Variants in DNAAF10 observed in about 807,000 individuals in gnomAD.
DNAAF10 encodes WD repeat domain 92.
A neutral mutation model predicts 43.7 loss-of-function variants in DNAAF10; 28 were observed. That is an observed-to-expected ratio of 0.64 (90% CI 0.48 to 0.88). The LOEUF is 0.88. Among genes scored for constraint, DNAAF10 ranks in the 40% least tolerant of loss-of-function variants. The pLI is 0.00. For synonymous variants in DNAAF10, 156 were observed against 157.3 expected (o/e 0.99, Z 0.06); for missense variants, 403 against 439.1 (o/e 0.92, Z 0.73).
intron 1 of DNAAF10, among the ~76,000 whole-genome samples, chr2:68,150,241 C>T (rs1215373567): frequency 6.6e-6 from 1 of 152,190 alleles, no homozygotes; most frequent in Non-Finnish European, 1.5e-5. Context: ...CCAACTTTCA[C>T]TTTTAGACCC....
intron 1 of DNAAF10, among the ~76,000 whole-genome samples, chr2:68,151,061 T>C (rs187556447): frequency 7.2e-4 from 109 of 152,340 alleles, no homozygotes; most frequent in African/African-American, 2.2e-3. Context: ...ACAGTTGTCA[T>C]TGCATCCCTT....
At chr2:68,156,038 G>A (rs1673595204) in intron 1 of DNAAF10, among the ~76,000 whole-genome samples, 1 of 147,860 alleles carries the variant, frequency 6.8e-6, no homozygotes, top group Non-Finnish European at 1.5e-5. Context: ...GGAGGCGGAG[G>A]TTGCAGTGAG....
At chr2:68,138,651 T>G in intron 5 of DNAAF10, 91 bp downstream of exon 5, 96 of 901,260 alleles carry the variant, frequency 1.1e-4, no homozygotes, top group Non-Finnish European at 1.6e-4. Flanking sequence ...TTGACTCAGA[T>G]GAGTTACTAG....
intron 3 of DNAAF10, among the ~76,000 whole-genome samples, chr2:68,142,901 T>C (rs948635332): frequency 6.6e-6 from 1 of 152,210 alleles, no homozygotes; most frequent in African/African-American, 2.4e-5. Context: ...TATTTATTTA[T>C]TTAGAGACAG....
At position 68,134,754 on chromosome 2, in the gene DNAAF10, T is replaced by G; in HGVS notation, c.814A>C (p.Arg272=). The G allele has an allele frequency of 6.2e-7, 1 of 1,610,230 alleles. No individual in the cohort carries two copies. The highest frequency in any genetic ancestry group is 8.5e-7 in the Non-Finnish European group (1 of 1,179,150). Residue 272 remains arginine (R), a synonymous_variant, in exon 7 of 8, where the codon AGG becomes CGG. Transcript: ENST00000295121. Reference sequence around the variant, plus strand: ...CCTCCAGCTGTCAGAAAGAGCTCCCTGTTCTGCGGCAGGTGTCGGACCTGC... The same window carrying G: ...CCTCCAGCTGTCAGAAAGAGCTCCCGGTTCTGCGGCAGGTGTCGGACCTGC... ...VWQVRHLPQN[R]ELFLTAGGAG...
At chr2:68,148,325 T>C (rs551427095) in intron 1 of DNAAF10, among the ~76,000 whole-genome samples, 93 of 152,242 alleles carry the variant, frequency 6.1e-4, no homozygotes, top group African/African-American at 2.1e-3. Flanking sequence ...ATTCAACATT[T>C]AATGGTTTCT....
At chr2:68,140,346 C>G (rs1398787016) in intron 4 of DNAAF10, among the ~76,000 whole-genome samples, 5 of 152,164 alleles carry the variant, frequency 3.3e-5, no homozygotes, top group Non-Finnish European at 7.4e-5. Context: ...TTACCATTTT[C>G]CTTTACAAAT....
intron 2 of DNAAF10, among the ~76,000 whole-genome samples, chr2:68,145,234 A>G (rs1208156989): frequency 2.0e-5 from 3 of 151,698 alleles, no homozygotes; most frequent in Admixed American, 2.0e-4. Context: ...AAAAAAAAAG[A>G]AAGAAAAGGA....
intron 1 of DNAAF10, chr2:68,156,983 T>G: frequency 2.0e-6 from 1 of 512,364 alleles, no homozygotes; most frequent in Admixed American, 3.6e-5. Context: ...ATGTGTTAGG[T>G]TGCCTCTTCC....
chr2:68,153,814 C>T (rs952698309), intron 1 of DNAAF10, among the ~76,000 whole-genome samples: 4 of 139,514 alleles, frequency 2.9e-5, no homozygotes, highest in East Asian at 2.1e-4. Flanking sequence ...TGCAATGGCG[C>T]GATCTCGGCT....
chr2:68,139,473 A>T (rs1173499990), intron 4 of DNAAF10, among the ~76,000 whole-genome samples: 1 of 152,210 alleles, frequency 6.6e-6, no homozygotes. Context: ...AAGCAATTCA[A>T]TGCAAAGCAG....
intron 7 of DNAAF10, 27 bp from the exon 8 acceptor site, chr2:68,131,472 G>C (rs1672930556): frequency 1.2e-6 from 2 of 1,606,282 alleles, no homozygotes. Context: ...AATGGTAAGA[G>C]CGCATAAATC....
rs1260298561 is a variant in DNAAF10, at chr2:68,135,383, C to T, written c.769-584G>A. 2.0e-5 allele frequency among the ~76,000 whole-genome samples: 3 copies of T among 152,140 alleles called. No homozygotes were observed. The East Asian group carries it at 5.8e-4, about 29-fold the overall frequency. On this transcript the variant is annotated intron_variant, in intron 6 of 7. Coordinates refer to ENST00000295121, the MANE Select transcript of DNAAF10 (RefSeq NM_138458.4). ...AATAAGGACCATGAGGACTTACAGA[C>T]AATGTTTATGGTCATAATAAGCTAA... is the stretch of plus-strand genomic sequence containing the variant.
Position 68,130,026 on chromosome 2 carries a change from C to G in DNAAF10, c.*1212G>C, listed in dbSNP as rs1490247360. ...CCTGTATTTTAAGTAAAAAAGAGCT[C>G]TTTAAAATCAAAGCATTTTGTTTTA... On this transcript the variant is annotated 3_prime_UTR_variant, in exon 8 of 8. Transcript: ENST00000295121. 2 of 149,988 alleles carry G rather than the reference C, an allele frequency of 1.3e-5. No homozygotes were observed. Among genetic ancestry groups the G allele is most frequent in the Non-Finnish European group, 3.0e-5 (2 of 67,714 alleles). 9.3% of individuals were successfully genotyped at this position (149,988 alleles called of 1,614,324 possible).
chr2:68,142,360 G>A (rs1380847766), intron 3 of DNAAF10, among the ~76,000 whole-genome samples: 3 of 152,058 alleles, frequency 2.0e-5, no homozygotes, highest in Non-Finnish European at 4.4e-5. Flanking sequence ...GGGTTTAAGC[G>A]ATTCTCCGTC....
At chr2:68,142,300 G>A (rs1673199604) in intron 3 of DNAAF10, among the ~76,000 whole-genome samples, 2 of 151,774 alleles carry the variant, frequency 1.3e-5, no homozygotes, top group East Asian at 1.9e-4. Context: ...TCACTCTGTC[G>A]CCCAGGAATG....
At chr2:68,140,155 G>A (rs983923699) in intron 4 of DNAAF10, among the ~76,000 whole-genome samples, 2 of 152,068 alleles carry the variant, frequency 1.3e-5, no homozygotes, top group African/African-American at 2.4e-5. Flanking sequence ...TCTTGCTGAG[G>A]AAAGAGTGTT....
rs945644986 is a variant in DNAAF10, at chr2:68,157,460, G to A, written c.-17C>T. On this transcript the variant is annotated 5_prime_UTR_variant, in exon 1 of 8. Coordinates refer to ENST00000295121, the MANE Select transcript of DNAAF10 (RefSeq NM_138458.4). The stretch of plus-strand genomic sequence containing the variant: ...GGCCGACATGGTGCAGCCAATTTCA[G>A]CTACGGCAACCGCCACACCCAGAGC... 3 of 1,613,812 alleles carry A rather than the reference G, an allele frequency of 1.9e-6. No individual in the cohort carries two copies. The highest frequency in any genetic ancestry group is 2.5e-6 in the Non-Finnish European group (3 of 1,179,952).
At position 68,157,329 on chromosome 2, in the gene DNAAF10, A is replaced by C. The variant is rs1287580932; in HGVS notation, c.115T>G (p.Phe39Val). 5 of 1,614,062 alleles carry C rather than the reference A, an allele frequency of 3.1e-6. No homozygotes were observed. The highest frequency in any genetic ancestry group is 4.2e-6 in the Non-Finnish European group (5 of 1,180,030). ...TGAATGACGCCGGTGCCCCGTGCGA[A>C]GTTGCCCATGGTCACAAATTTGGCG... ...CSAKFVTMGNFARGTGVIQLY... is the reference protein window; with the variant it reads ...CSAKFVTMGNVARGTGVIQLY... The change falls in exon 1 of 8, where the codon TTC becomes GTC. Residue 39 changes from phenylalanine to valine, a missense_variant. Phe to Val is a conservative substitution (Grantham distance 50). Coordinates refer to ENST00000295121, the MANE Select transcript of DNAAF10 (RefSeq NM_138458.4).
Sources: allele counts gnomAD v4.1 joint callset (sites outside exome capture counted in the v4.1 genomes callset), GRCh38; gene constraint gnomAD v4.1.1; transcripts MANE v1.5; gene names NCBI Gene and HGNC (gene_info 2026-07-23, HGNC 2026-07-21).